Variants in FAT4 observed in about 807,000 individuals in gnomAD.
FAT4 encodes protocadherin Fat 4.
A neutral mutation model predicts 303.9 loss-of-function variants in FAT4; 84 were observed. The ratio of observed to expected loss-of-function variants is 0.28; its 90% CI spans 0.23 to 0.33. FAT4 has a LOEUF of 0.33. FAT4 is among the 10% of genes least tolerant of loss of function. FAT4 has a pLI of 1.00. For synonymous variants in FAT4, 2,307 were observed against 2,298.8 expected, an observed-to-expected ratio of 1.00 and a Z score of -0.10; for missense variants, 6,005 against 6,146.8, an observed-to-expected ratio of 0.98 and a Z score of 0.77.
chr4:125,330,769 C>T (rs2125957299), intron 2 of FAT4, among the ~76,000 whole-genome samples: 1 of 152,290 alleles, frequency 6.6e-6, no homozygotes, highest in East Asian at 1.9e-4. Flanking sequence ...GTCTAGCAAC[C>T]AGAGTGAGAG....
chr4:125,442,716 T>C (rs187538526), intron 8 of FAT4, among the ~76,000 whole-genome samples: 1 of 152,286 alleles, frequency 6.6e-6, no homozygotes, highest in Admixed American at 6.5e-5. Context: ...ATGCAAATAT[T>C]CTATCCAGAG....
intron 3 of FAT4, 79 bp from the exon 4 acceptor site, chr4:125,406,801 A>C: frequency 1.3e-6 from 2 of 1,493,018 alleles, no homozygotes; most frequent in Non-Finnish European, 1.8e-6. Flanking sequence ...TTCCTTTGTC[A>C]AATACATGTT....
chr4:125,439,134 C>A lies in FAT4; in HGVS notation c.7199+4709C>A, dbSNP rs540892015. ...TATAGAAAATCAGACTGTATTAATT[C>A]TTAGTCTTTCTCTATCCAGATTATG... On this transcript the variant is annotated intron_variant, in intron 8 of 17. Transcript: ENST00000394329. 1.9e-4 allele frequency among the ~76,000 whole-genome samples: 29 copies of A among 152,164 alleles called. No homozygotes were observed. The South Asian group carries it at 5.6e-3, about 29-fold the overall frequency.
chr4:125,426,223 A>C (rs1725082138), intron 7 of FAT4, among the ~76,000 whole-genome samples: 1 of 152,044 alleles, frequency 6.6e-6, no homozygotes, highest in Non-Finnish European at 1.5e-5. Flanking sequence ...GAAAGATCAC[A>C]TTTTGTCAAT....
At chr4:125,325,515 C>G (rs926979009) in intron 2 of FAT4, among the ~76,000 whole-genome samples, 2 of 152,146 alleles carry the variant, frequency 1.3e-5, no homozygotes, top group Non-Finnish European at 2.9e-5. Flanking sequence ...GAAACAGTTG[C>G]TCTTTCGAGT....
At chr4:125,393,152 G>C (rs1376899342) in intron 2 of FAT4, among the ~76,000 whole-genome samples, 1 of 152,094 alleles carries the variant, frequency 6.6e-6, no homozygotes. Flanking sequence ...TTCTTTATTT[G>C]AGAACCATTT....
At chr4:125,434,883 G>T (rs1725401271) in intron 8 of FAT4, among the ~76,000 whole-genome samples, 1 of 152,092 alleles carries the variant, frequency 6.6e-6, no homozygotes, top group African/African-American at 2.4e-5. Context: ...CAAAGTAGTT[G>T]GACTTTTTAG....
chr4:125,317,388 T>C lies in FAT4; in HGVS notation c.977T>C (p.Met326Thr). 1 of 1,613,482 alleles carries C rather than the reference T, an allele frequency of 6.2e-7. No homozygotes were observed. Among genetic ancestry groups the C allele is most frequent in the Non-Finnish European group, 8.5e-7 (1 of 1,180,032 alleles). ...RRQYSLTVQA[M>T]DRGVPSLTGR... ...CAATACTCGCTTACGGTGCAGGCGA[T>C]GGACAGAGGCGTGCCTTCCCTCACT... Residue 326 changes from methionine to threonine, a missense_variant, in exon 2 of 18, where the codon ATG (methionine) becomes ACG (threonine). Coordinates refer to ENST00000394329, the MANE Select transcript of FAT4 (RefSeq NM_001291303.3). This position sits in a 1 kb window ranked among gnomAD's most constrained non-coding sequence, Gnocchi z 7.0.
intron 12 of FAT4, among the ~76,000 whole-genome samples, chr4:125,475,306 C>T (rs1012286895): frequency 6.6e-6 from 1 of 152,002 alleles, no homozygotes; most frequent in Non-Finnish European, 1.5e-5. Context: ...TCTTAGACTG[C>T]ACTGCAGCCA....
Position 125,448,679 on chromosome 4 carries a change from AC to A in FAT4, c.7670del (p.Thr2557MetfsTer5), listed in dbSNP as rs1264505521. 2 of 1,613,856 alleles carry A rather than the reference AC, an allele frequency of 1.2e-6. No homozygotes were observed. Among genetic ancestry groups the A allele is most frequent in the Non-Finnish European group, 1.7e-6 (2 of 1,179,920 alleles). ...SFPKTDSTTV[T>X]VRFVNKADFP... ...TCCAAAGACAGATTCTACAACAGTG[AC>A]TGTTAGATTCGTGAATAAGGCCGAT... On this transcript the variant is annotated frameshift_variant, in exon 10 of 18. Transcript: ENST00000394329. LOFTEE classifies it high-confidence loss of function.
At chr4:125,404,957 C>A (rs1734531573) in intron 3 of FAT4, among the ~76,000 whole-genome samples, 1 of 149,682 alleles carries the variant, frequency 6.7e-6, no homozygotes, top group African/African-American at 2.5e-5. Flanking sequence ...TTGAGTATTT[C>A]TTATCCGAAA....
At chr4:125,385,712 T>C (rs1733722947) in intron 2 of FAT4, among the ~76,000 whole-genome samples, 1 of 152,168 alleles carries the variant, frequency 6.6e-6, no homozygotes. Context: ...TTTCCATTAC[T>C]CTGGAGTCTA....
chr4:125,396,670 C>A (rs1185719840), intron 2 of FAT4, among the ~76,000 whole-genome samples: 2 of 152,108 alleles, frequency 1.3e-5, no homozygotes, highest in East Asian at 3.9e-4. Flanking sequence ...ACACCCCTAG[C>A]ATGCACAAGG....
chr4:125,378,156 G>A (rs1203755859), intron 2 of FAT4, among the ~76,000 whole-genome samples: 1 of 152,012 alleles, frequency 6.6e-6, no homozygotes, highest in Non-Finnish European at 1.5e-5. Flanking sequence ...TACCAAGTTA[G>A]ACATATAAAC....
intron 2 of FAT4, among the ~76,000 whole-genome samples, chr4:125,382,408 T>G (rs1578580026): frequency 6.6e-6 from 1 of 152,230 alleles, no homozygotes; most frequent in African/African-American, 2.4e-5. Flanking sequence ...TTTTCAGAGC[T>G]CTTGGATGAC....
At position 125,449,060 on chromosome 4, in the gene FAT4, C is replaced by T. The variant is rs752953780; in HGVS notation, c.8050C>T (p.Leu2684Phe). 3.1e-6 allele frequency: 5 copies of T among 1,613,818 alleles called. No individual in the cohort carries two copies. Among genetic ancestry groups the T allele is most frequent in the South Asian group, 2.2e-5 (2 of 91,064 alleles). The stretch of plus-strand genomic sequence containing the variant: ...ATTTATATCTGAAATATTGGAAAAC[C>T]TTTCCCCTCGAAAAATACTTACTGT... ...DPFISEILEN[L>F]SPRKILTVSA... is the part of the protein sequence containing the mutation. The change falls in exon 10 of 18, where the codon CTT (leucine) becomes TTT (phenylalanine). Residue 2684 changes from leucine to phenylalanine, a missense_variant. Leu to Phe is a conservative substitution (Grantham distance 22, BLOSUM62 0). Transcript: ENST00000394329.
chr4:125,486,652 G>A (rs1374364205), intron 16 of FAT4, among the ~76,000 whole-genome samples: 2 of 152,074 alleles, frequency 1.3e-5, no homozygotes, highest in African/African-American at 4.8e-5. Flanking sequence ...ACTGGAGTGG[G>A]AGCACCCTGT....
chr4:125,406,184 G>A (rs1425202053), intron 3 of FAT4, among the ~76,000 whole-genome samples: 1 of 151,972 alleles, frequency 6.6e-6, no homozygotes, highest in Non-Finnish European at 1.5e-5. Flanking sequence ...TGATATTTGT[G>A]TATAATGTAT....
chr4:125,336,628 A>G (rs1314671340), intron 2 of FAT4, among the ~76,000 whole-genome samples: 2 of 151,956 alleles, frequency 1.3e-5, no homozygotes, highest in South Asian at 2.1e-4. Context: ...ATGTCTGATC[A>G]TTGTAAGCAA....
Sources: allele counts gnomAD v4.1 joint callset (sites outside exome capture counted in the v4.1 genomes callset), GRCh38; gene constraint gnomAD v4.1.1; non-coding constraint Gnocchi (gnomAD v3.1); transcripts MANE v1.5; gene names NCBI Gene and HGNC (gene_info 2026-07-23, HGNC 2026-07-21).